The following DLC1 variants were observed in gnomAD, a reference collection of about 807,000 sequenced individuals.
DLC1 encodes the protein DLC1 Rho GTPase activating protein, also known as rho GTPase-activating protein 7.
Under a neutral mutation model 140.3 loss-of-function variants are expected in DLC1, and 54 were observed. The ratio of observed to expected loss-of-function variants is 0.38; its 90% CI spans 0.31 to 0.48. The LOEUF (loss-of-function observed/expected upper bound fraction) is 0.48, where lower values mean the gene tolerates loss of function less well. DLC1 is among the 20% of genes least tolerant of loss of function. The pLI is 0.96. For synonymous variants in DLC1, 986 were observed against 728.1 expected (o/e 1.35, Z -5.70); for missense variants, 2,536 against 1,907.0 (o/e 1.33, Z -6.14).
At chr8:13,568,712 A>C (rs989748317) in intron 1 of DLC1, among the ~76,000 whole-genome samples, 1 of 152,228 alleles carries the variant, frequency 6.6e-6, no homozygotes, top group Admixed American at 6.5e-5. Context: ...GGAAATCAGG[A>C]ATGTATAGTG....
At chr8:13,153,153 A>C (rs562668028) in intron 5 of DLC1, among the ~76,000 whole-genome samples, 1 of 152,316 alleles carries the variant, frequency 6.6e-6, no homozygotes, top group African/African-American at 2.4e-5. Flanking sequence ...CAGATCTTAA[A>C]GATGGTGTGT....
In DLC1 at chr8:13,090,138, G is replaced by C. The variant is rs1023380672; in HGVS notation, c.4074+114C>G. 4 of 964,918 alleles carry C rather than the reference G, an allele frequency of 4.1e-6. No individual in the cohort carries two copies. The African/African-American group carries it at 6.6e-5, about 16-fold the overall frequency. The allele number at this position is 964,918 out of a possible 1,614,324, so 59.8% of individuals were successfully genotyped here. Reference sequence around the variant, plus strand: ...CACCCCGGTGCCCAGCTCTACAAGGGAGGTTGTGGGCTACAGATCCCCAGA... The same window carrying C: ...CACCCCGGTGCCCAGCTCTACAAGGCAGGTTGTGGGCTACAGATCCCCAGA... On this transcript the variant is annotated intron_variant, in intron 15 of 17. Coordinates refer to ENST00000276297, the MANE Select transcript of DLC1 (RefSeq NM_182643.3).
intron 2 of DLC1, among the ~76,000 whole-genome samples, chr8:13,422,450 T>G (rs1838360851): frequency 6.6e-6 from 1 of 151,970 alleles, no homozygotes; most frequent in Non-Finnish European, 1.5e-5. Flanking sequence ...AATATAGTAA[T>G]ATTAATAAAT....
At chr8:13,118,091 C>T (rs1273411583) in intron 5 of DLC1, among the ~76,000 whole-genome samples, 2 of 149,988 alleles carry the variant, frequency 1.3e-5, no homozygotes, top group Non-Finnish European at 2.9e-5. Context: ...CTCACTGCAG[C>T]ATCGACCTTC....
intron 5 of DLC1, among the ~76,000 whole-genome samples, chr8:13,299,214 G>A (rs568669083): frequency 6.6e-6 from 1 of 151,876 alleles, no homozygotes; most frequent in African/African-American, 2.4e-5. Flanking sequence ...AGGCCAAGGC[G>A]GGTGGATCCC....
chr8:13,412,740 G>T (rs1448621588), intron 2 of DLC1, among the ~76,000 whole-genome samples: 1 of 151,852 alleles, frequency 6.6e-6, no homozygotes, highest in African/African-American at 2.4e-5. Flanking sequence ...GAGACCTCCT[G>T]GCTAACACGG....
intron 2 of DLC1, among the ~76,000 whole-genome samples, chr8:13,453,518 ATATATATATG>A (rs1399802188): frequency 1.5e-4 from 4 of 26,130 alleles, no homozygotes; most frequent in Non-Finnish European, 3.0e-4. Context: ...ATATATACAT[ATATATATATG>A]TATATATATA....
chr8:13,410,271 C>T (rs925363476), intron 2 of DLC1, among the ~76,000 whole-genome samples: 2 of 152,018 alleles, frequency 1.3e-5, no homozygotes, highest in Non-Finnish European at 2.9e-5. Context: ...TTAAAGCAAG[C>T]ATTGAGGATA....
At chr8:13,099,185 G>T (rs1193807981) in intron 9 of DLC1, among the ~76,000 whole-genome samples, 162 bp downstream of exon 9, 2 of 152,004 alleles carry the variant, frequency 1.3e-5, no homozygotes, top group Non-Finnish European at 2.9e-5. Context: ...CAATCCTATC[G>T]ATTTCTTTGA....
chr8:13,129,114 T>C (rs1412083932), intron 5 of DLC1, among the ~76,000 whole-genome samples: 3 of 152,218 alleles, frequency 2.0e-5, no homozygotes, highest in Non-Finnish European at 2.9e-5. Flanking sequence ...TTACATTAAC[T>C]GGATCTCTAA....
At position 13,571,806 on chromosome 8, in the gene DLC1, C is replaced by T. The variant is rs543341298; in HGVS notation, c.-126+32731G>A. Among the ~76,000 whole-genome samples, 20 of 152,280 alleles carry T rather than the reference C, an allele frequency of 1.3e-4. 1 individual carries two copies. Among genetic ancestry groups the T allele is most frequent in the Admixed American group, 2.6e-4 (4 of 15,298 alleles). On this transcript the variant is annotated intron_variant, in intron 1 of 1. Coordinates refer to the DLC1 transcript ENST00000631382. ...CACATTATTTCTACAGCAGTTGCAACGTTTTACATTTCCACCAGCAAGCTA... is the reference window on the plus strand; with the variant it reads ...CACATTATTTCTACAGCAGTTGCAATGTTTTACATTTCCACCAGCAAGCTA...
At chr8:13,457,153 T>G (rs1799427526) in intron 2 of DLC1, among the ~76,000 whole-genome samples, 1 of 152,184 alleles carries the variant, frequency 6.6e-6, no homozygotes, top group African/African-American at 2.4e-5. Flanking sequence ...TTGCGAACTT[T>G]CCCTAAATCT....
rs183619576 is a variant in DLC1, at chr8:13,409,983, C to A, written c.1024-8364G>T. 5.3e-5 allele frequency among the ~76,000 whole-genome samples: 8 copies of A among 152,106 alleles called. 1 individual carries two copies. Among genetic ancestry groups the A allele is most frequent in the Admixed American group, 5.2e-4 (8 of 15,266 alleles). ...ACATTTTAGTAGATTGCAGAGAAAA[C>A]CGTTACATGGTTTCTGATGAAAATT... On this transcript the variant is annotated intron_variant, in intron 2 of 17. Transcript: ENST00000276297.
At chr8:13,579,438 T>TA (rs1804992139) in intron 1 of DLC1, among the ~76,000 whole-genome samples, 1 of 20,754 alleles carries the variant, frequency 4.8e-5, no homozygotes, top group African/African-American at 1.1e-4. Context: ...ATTTAATACA[T>TA]TATATTTTAT....
chr8:13,357,572 C>T (rs889567516), intron 4 of DLC1, among the ~76,000 whole-genome samples: 1 of 152,178 alleles, frequency 6.6e-6, no homozygotes, highest in Non-Finnish European at 1.5e-5. Flanking sequence ...TGGGTTTCTG[C>T]TGTTTTACTG....
chr8:13,345,393 GAATCAATA>G (rs1834281597), intron 4 of DLC1, among the ~76,000 whole-genome samples: 1 of 151,928 alleles, frequency 6.6e-6, no homozygotes, highest in Non-Finnish European at 1.5e-5. Flanking sequence ...GATTCTCCTT[GAATCAATA>G]GATAAAGGTT....
chr8:13,517,822 G>A (rs767113129), upstream of DLC1, among the ~76,000 whole-genome samples: 1 of 152,238 alleles, frequency 6.6e-6, no homozygotes, highest in Non-Finnish European at 1.5e-5. Context: ...CCTAACCGGG[G>A]TGAGGATGTC....
In DLC1 at chr8:13,090,423, C is replaced by A. The variant is rs200118247; in HGVS notation, c.3903G>T (p.Glu1301Asp). Residue 1301 changes from glutamate (E) to aspartate (D), a missense_variant, in exon 15 of 18, where the codon GAG becomes GAT. Coordinates refer to ENST00000276297, the MANE Select transcript of DLC1 (RefSeq NM_182643.3). Reference protein sequence around the residue: ...SRCRNSYTEQELKPLTLEALG... With the variant: ...SRCRNSYTEQDLKPLTLEALG... ...GTGCTTCCAGAGTGAGGGGCTTCAG[C>A]TCTTGTTCGGTATAGGAATTACGAC... The A allele has an allele frequency of 2.3e-5, 37 of 1,614,210 alleles. No homozygotes were observed. In the East Asian group the frequency reaches 8.2e-4, roughly 36 times the overall value.
At chr8:13,576,698 C>T (rs1322006672) in intron 1 of DLC1, among the ~76,000 whole-genome samples, 1 of 152,090 alleles carries the variant, frequency 6.6e-6, no homozygotes, top group Non-Finnish European at 1.5e-5. Context: ...TGCGTGTCCT[C>T]AGTGAGTGTG....
Sources: allele counts gnomAD v4.1 joint callset (sites outside exome capture counted in the v4.1 genomes callset), GRCh38; gene constraint gnomAD v4.1.1; transcripts MANE v1.5; gene names NCBI Gene and HGNC (gene_info 2026-07-23, HGNC 2026-07-21).